Variants in ZCCHC17 observed in about 807,000 individuals in gnomAD.
The protein encoded by ZCCHC17 is zinc finger CCHC domain-containing protein 17.
Under a neutral mutation model 30.6 loss-of-function variants are expected in ZCCHC17, and 18 were observed. The observed-to-expected ratio is 0.59, with a 90% CI of 0.41 to 0.87. The LOEUF (loss-of-function observed/expected upper bound fraction) is 0.87. ZCCHC17 is among the 40% of genes least tolerant of loss of function. The pLI is 0.00. For synonymous variants in ZCCHC17, 88 were observed against 92.4 expected (o/e 0.95, Z 0.27); for missense variants, 263 against 284.2 (o/e 0.93, Z 0.54).
chr1:31,323,139 A>G (rs1646899520), intron 3 of ZCCHC17, among the ~76,000 whole-genome samples: 1 of 152,214 alleles, frequency 6.6e-6, no homozygotes, highest in Non-Finnish European at 1.5e-5. Flanking sequence ...AGACACTTCT[A>G]TCACTCAGAA....
intron 4 of ZCCHC17, 107 bp downstream of exon 4, chr1:31,337,382 T>A: frequency 2.0e-6 from 2 of 979,614 alleles, no homozygotes; most frequent in South Asian, 3.1e-5. Context: ...GTGCTGATAA[T>A]CTTATTTTTA....
chr1:31,313,957 G>A (rs556327315), intron 2 of ZCCHC17, among the ~76,000 whole-genome samples: 2 of 151,480 alleles, frequency 1.3e-5, no homozygotes, highest in African/African-American at 2.4e-5. Flanking sequence ...CTCCACCTCC[G>A]GGTTCAAGTG....
At chr1:31,343,276 T>C (rs967945203) in intron 5 of ZCCHC17, among the ~76,000 whole-genome samples, 1 of 152,180 alleles carries the variant, frequency 6.6e-6, no homozygotes, top group Non-Finnish European at 1.5e-5. Flanking sequence ...GCCAGGCTGG[T>C]CTTGAACTCC....
Position 31,364,441 on chromosome 1 carries a change from C to CA in ZCCHC17, c.*249dup, listed in dbSNP as rs761860285. 3.7e-4 allele frequency: 201 copies of CA among 542,988 alleles called. 1 individual carries two copies. The highest frequency in any genetic ancestry group is 1.7e-3 in the African/African-American group (93 of 53,620). The allele number at this position is 542,988 out of a possible 1,614,324, so 33.6% of individuals were successfully genotyped here. A position where few individuals can be genotyped will look rare whatever the true frequency, so the allele number is the denominator to read the frequency against. ...AAGTGAACCCTGCAGCTCACCCATT[C>CA]ATTCACCCAACTTCCTTCATTCAGC... On this transcript the variant is annotated 3_prime_UTR_variant, in exon 8 of 8. Transcript: ENST00000344147.
intron 1 of ZCCHC17, among the ~76,000 whole-genome samples, chr1:31,300,027 A>T (rs1429281272): frequency 6.6e-6 from 1 of 152,080 alleles, no homozygotes; most frequent in Non-Finnish European, 1.5e-5. Flanking sequence ...TAACTTCTCT[A>T]CTTCCCCCAG....
chr1:31,320,546 C>G (rs1482833491), intron 3 of ZCCHC17, among the ~76,000 whole-genome samples: 1 of 152,192 alleles, frequency 6.6e-6, no homozygotes, highest in East Asian at 1.9e-4. Context: ...TTATTTTGTA[C>G]ATTTCTTGTA....
chr1:31,302,829 G>A (rs964361686), intron 1 of ZCCHC17, among the ~76,000 whole-genome samples: 1 of 151,978 alleles, frequency 6.6e-6, no homozygotes, highest in Non-Finnish European at 1.5e-5. Context: ...TCACTATCAT[G>A]AGAACAGACT....
intron 2 of ZCCHC17, chr1:31,318,094 A>G: frequency 8.8e-7 from 1 of 1,134,206 alleles, no homozygotes; most frequent in South Asian, 1.5e-5. Context: ...TATTTTGCAT[A>G]TAGTGAGTAT....
At chr1:31,336,074 G>A (rs540212213) in intron 3 of ZCCHC17, among the ~76,000 whole-genome samples, 2 of 151,816 alleles carry the variant, frequency 1.3e-5, no homozygotes, top group Non-Finnish European at 2.9e-5. Flanking sequence ...ATGTATGTAT[G>A]TATTTATTTA....
intron 7 of ZCCHC17, among the ~76,000 whole-genome samples, chr1:31,361,942 G>T (rs1639917684): frequency 6.6e-6 from 1 of 152,074 alleles, no homozygotes; most frequent in Non-Finnish European, 1.5e-5. Context: ...TTCCTGAGTA[G>T]CTGGGACTAC....
At chr1:31,331,772 C>G (rs547840073) in intron 3 of ZCCHC17, among the ~76,000 whole-genome samples, 2 of 151,848 alleles carry the variant, frequency 1.3e-5, no homozygotes, top group East Asian at 3.9e-4. Context: ...CCACCATGCC[C>G]AACTAATTTT....
intron 4 of ZCCHC17, among the ~76,000 whole-genome samples, 199 bp from the exon 5 acceptor site, chr1:31,338,758 G>A (rs1409800797): frequency 6.6e-6 from 1 of 152,200 alleles, no homozygotes; most frequent in Non-Finnish European, 1.5e-5. Context: ...GGACAAGAAT[G>A]AGATTAAGAC....
intron 1 of ZCCHC17, among the ~76,000 whole-genome samples, chr1:31,298,788 T>G (rs1646235795): frequency 6.6e-6 from 1 of 152,198 alleles, no homozygotes; most frequent in South Asian, 2.1e-4. Flanking sequence ...AGATTTGTGT[T>G]GGGAATATAA....
intron 5 of ZCCHC17, among the ~76,000 whole-genome samples, chr1:31,342,912 G>T (rs1417349115): frequency 6.6e-6 from 1 of 152,164 alleles, no homozygotes; most frequent in African/African-American, 2.4e-5. Context: ...TCAGGCAAAA[G>T]AAATGGTTTG....
At chr1:31,328,104 C>A (rs906304958) in intron 3 of ZCCHC17, among the ~76,000 whole-genome samples, 1 of 152,214 alleles carries the variant, frequency 6.6e-6, no homozygotes, top group African/African-American at 2.4e-5. Flanking sequence ...AAAATTCATA[C>A]TAGTTTTGCT....
At chr1:31,346,937 C>T (rs1465563141) in intron 6 of ZCCHC17, 197 bp downstream of exon 6, 1 of 1,187,106 alleles carries the variant, frequency 8.4e-7, no homozygotes, top group Non-Finnish European at 1.2e-6. Context: ...AGTGCTGGCC[C>T]TACCAGATAC....
At chr1:31,327,816 G>A (rs1361470125) in intron 3 of ZCCHC17, among the ~76,000 whole-genome samples, 3 of 152,108 alleles carry the variant, frequency 2.0e-5, no homozygotes, top group Non-Finnish European at 2.9e-5. Flanking sequence ...CTTAATAAGG[G>A]AAAAACAGGG....
Position 31,334,333 on chromosome 1 carries a change from CTCTCTGTGTG to C in ZCCHC17, c.125-2840_125-2831del, listed in dbSNP as rs1321196202. ...TCTCTCTCTCTCTCTCTCTCTCTCT[CTCTCTGTGTG>C]TGTGTGTGTGTGTGTGTGTGTGTGT... On this transcript the variant is annotated intron_variant, in intron 3 of 7. Transcript: ENST00000344147. Among the ~76,000 whole-genome samples the C allele has an allele frequency of 1.2e-3, 72 of 60,952 alleles. No homozygotes were observed. In the East Asian group the frequency reaches 0.018, roughly 15 times the overall value. 40.0% of individuals were successfully genotyped at this position (60,952 alleles called of 152,430 possible). A position where few individuals can be genotyped will look rare whatever the true frequency, so the allele number is the denominator to read the frequency against.
intron 7 of ZCCHC17, among the ~76,000 whole-genome samples, chr1:31,350,652 T>A (rs1208481814): frequency 6.6e-6 from 1 of 152,178 alleles, no homozygotes; most frequent in Non-Finnish European, 1.5e-5. Context: ...CAAGCTGGAG[T>A]GCAGTGGTGT....
Sources: allele counts gnomAD v4.1 joint callset (sites outside exome capture counted in the v4.1 genomes callset), GRCh38; gene constraint gnomAD v4.1.1; transcripts MANE v1.5; gene names NCBI Gene and HGNC (gene_info 2026-07-23, HGNC 2026-07-21).